Variants in CYP4F12 observed in about 807,000 individuals in gnomAD.
CYP4F12 encodes cytochrome P450 4F12.
CYP4F12 carries 60 observed loss-of-function variants against 56.5 expected under a neutral mutation model. The ratio of observed to expected loss-of-function variants is 1.06; its 90% CI spans 0.86 to 1.32. The LOEUF (loss-of-function observed/expected upper bound fraction) is 1.32, where lower values mean the gene tolerates loss of function less well. Among genes scored for constraint, CYP4F12 ranks in the 40% most tolerant of loss-of-function variants. The pLI is 0.00. For synonymous variants in CYP4F12, 263 were observed against 264.9 expected (o/e 0.99, Z 0.07); for missense variants, 711 against 683.5 (o/e 1.04, Z -0.45).
At chr19:15,673,404 C>T (rs56398124) in intron 1 of CYP4F12, 125 bp from the exon 2 acceptor site, 1,035,876 of 1,135,270 alleles carry the variant, frequency 0.91, 471,251 homozygotes, top group East Asian at 1. Context: ...TCTCAGCCCT[C>T]GTTTACTCAC....
In CYP4F12 at chr19:15,696,047, A is replaced by T; in HGVS notation, c.1227A>T (p.Pro409=). The T allele has an allele frequency of 6.2e-7, 1 of 1,613,838 alleles. No homozygotes were observed. Among genetic ancestry groups the T allele is most frequent in the Non-Finnish European group, 8.5e-7 (1 of 1,179,826 alleles). The change falls in exon 10 of 13, where the codon CCA becomes CCT. Residue 409 remains proline, a synonymous_variant. Transcript: ENST00000550308. ...GCTGCACCCAGGACATTGTTCTCCCAGATGGCCGAGTCATCCCCAAAGGTG... is the reference window on the plus strand; with the variant it reads ...GCTGCACCCAGGACATTGTTCTCCCTGATGGCCGAGTCATCCCCAAAGGTG... The part of the protein sequence containing the change: ...SRCCTQDIVL[P]DGRVIPKGIT...
intron 9 of CYP4F12, among the ~76,000 whole-genome samples, chr19:15,694,441 C>T (rs1317528259): frequency 6.6e-6 from 1 of 152,002 alleles, no homozygotes; most frequent in African/African-American, 2.4e-5. Flanking sequence ...ATTTTCTTCT[C>T]TTTGAAGCAG....
chr19:15,673,929 A>C (rs142017586), intron 2 of CYP4F12, among the ~76,000 whole-genome samples: 2 of 24,388 alleles, frequency 8.2e-5, no homozygotes, highest in African/African-American at 3.1e-4. Flanking sequence ...TCACTCCTCT[A>C]CCCACTCACT....
chr19:15,680,664 G>A (rs768553860), intron 5 of CYP4F12, 145 bp downstream of exon 5: 1 of 1,070,452 alleles, frequency 9.3e-7, no homozygotes, highest in Non-Finnish European at 1.4e-6. Context: ...CTGTAAAATG[G>A]GGATGATAAT....
chr19:15,692,892 G>C (rs2007936352), intron 9 of CYP4F12, among the ~76,000 whole-genome samples: 1 of 149,286 alleles, frequency 6.7e-6, no homozygotes, highest in Non-Finnish European at 1.5e-5. Context: ...TTGCCAAATT[G>C]GGGAAACTCC....
chr19:15,695,074 T>C (rs1049565978), intron 9 of CYP4F12, among the ~76,000 whole-genome samples: 3 of 152,102 alleles, frequency 2.0e-5, no homozygotes, highest in Non-Finnish European at 4.4e-5. Flanking sequence ...GCGGCACTAT[T>C]CACAACAGCA....
intron 9 of CYP4F12, among the ~76,000 whole-genome samples, chr19:15,688,865 C>A (rs1363716078): frequency 6.6e-6 from 1 of 152,102 alleles, no homozygotes; most frequent in Non-Finnish European, 1.5e-5. Context: ...GGGAAAGACA[C>A]CCTATTCAAT....
chr19:15,683,741 T>C lies in CYP4F12; in HGVS notation c.896T>C (p.Ile299Thr), dbSNP rs778055307. The change falls in exon 7 of 13, where the codon ATT (isoleucine) becomes ACT (threonine). Residue 299 changes from isoleucine to threonine, a missense_variant. Transcript: ENST00000550308. ...GCCAAGTCCAAGACTTTGGATTTCATTGATGTGCTTCTGCTGAGCAAGGTA... is the reference window on the plus strand; with the variant it reads ...GCCAAGTCCAAGACTTTGGATTTCACTGATGTGCTTCTGCTGAGCAAGGTA... ...DKAKSKTLDF[I>T]DVLLLSKDED... 8 of 1,570,628 alleles carry C rather than the reference T, an allele frequency of 5.1e-6. No homozygotes were observed. The highest frequency in any genetic ancestry group is 6.9e-6 in the Non-Finnish European group (8 of 1,159,288).
Position 15,677,823 on chromosome 19 carries a change from C to T in CYP4F12, c.199-438C>T, listed in dbSNP as rs1302934032. On this transcript the variant is annotated intron_variant, in intron 2 of 12. Coordinates refer to ENST00000550308, the MANE Select transcript of CYP4F12 (RefSeq NM_023944.4). ...TCACTCATTCTTCTGCTCGCTCACT[C>T]ACTCATTCCTCTGCTCACTCTTATT... 5.0e-5 allele frequency among the ~76,000 whole-genome samples: 5 copies of T among 99,028 alleles called. 1 individual carries two copies. The highest frequency in any genetic ancestry group is 1.1e-4 in the African/African-American group (3 of 27,762). The allele number at this position is 99,028 out of a possible 152,430, so 65.0% of individuals were successfully genotyped here. A position where few individuals can be genotyped will look rare whatever the true frequency, so the allele number is the denominator to read the frequency against.
At chr19:15,693,565 T>C (rs59482185) in intron 9 of CYP4F12, among the ~76,000 whole-genome samples, 13,526 of 147,952 alleles carry the variant, frequency 0.091, 1,646 homozygotes, top group East Asian at 0.57. Flanking sequence ...TTTGTTTGAC[T>C]TCATTGTAGA....
rs369774036 is a variant in CYP4F12, at chr19:15,678,359, C to T, written c.297C>T (p.Ile99=). 9 of 1,614,166 alleles carry T rather than the reference C, an allele frequency of 5.6e-6. No individual in the cohort carries two copies. Among genetic ancestry groups the T allele is most frequent in the South Asian group, 3.3e-5 (3 of 91,080 alleles). The stretch of plus-strand genomic sequence containing the variant: ...GGCTGGGTCCCATCATCCCCTTCAT[C>T]GTTTTATGCCACCCTGACACCATCC... The part of the protein sequence containing the change: ...TVWLGPIIPF[I]VLCHPDTIRS... Residue 99 remains isoleucine (I), a synonymous_variant, in exon 3 of 13, where the codon ATC becomes ATT. Transcript: ENST00000550308.
chr19:15,689,521 A>G (rs10410357), intron 9 of CYP4F12, among the ~76,000 whole-genome samples: 16,885 of 152,286 alleles, frequency 0.11, 1,030 homozygotes, highest in Middle Eastern at 0.14. Flanking sequence ...GAAAATTAAC[A>G]TAACCTCTGT....
At chr19:15,692,236 G>A (rs8112294) in intron 9 of CYP4F12, among the ~76,000 whole-genome samples, 41,683 of 151,858 alleles carry the variant, frequency 0.27, 5,710 homozygotes, top group African/African-American at 0.37. Context: ...ACTTTCTAAT[G>A]GGTTTTAATA....
At chr19:15,692,364 T>C (rs1159643845) in intron 9 of CYP4F12, among the ~76,000 whole-genome samples, 1 of 152,210 alleles carries the variant, frequency 6.6e-6, no homozygotes, top group African/African-American at 2.4e-5. Context: ...AGATTTCATG[T>C]TTCTTTTTAA....
intron 9 of CYP4F12, among the ~76,000 whole-genome samples, chr19:15,692,341 T>C (rs565202766): frequency 6.6e-6 from 1 of 152,230 alleles, no homozygotes; most frequent in South Asian, 2.1e-4. Context: ...GGGAAATTTA[T>C]AATGAAATAC....
intron 9 of CYP4F12, among the ~76,000 whole-genome samples, chr19:15,686,390 G>A (rs1034132013): frequency 2.0e-5 from 3 of 152,108 alleles, no homozygotes; most frequent in Admixed American, 6.5e-5. Context: ...AGAAAGTCTG[G>A]GCAAAAATGC....
chr19:15,674,917 ACTTGAAGC>A (rs2006844684), intron 2 of CYP4F12, among the ~76,000 whole-genome samples: 1 of 152,046 alleles, frequency 6.6e-6, no homozygotes, highest in Non-Finnish European at 1.5e-5. Flanking sequence ...CCACTGCTGG[ACTTGAAGC>A]CTTCTGAGCC....
intron 9 of CYP4F12, among the ~76,000 whole-genome samples, chr19:15,689,801 G>T (rs568261605): frequency 6.6e-6 from 1 of 152,138 alleles, no homozygotes; most frequent in African/African-American, 2.4e-5. Flanking sequence ...GTCTTTTGCC[G>T]CAACTTGGAT....
Position 15,696,922 on chromosome 19 carries a change from A to T in CYP4F12, c.1412A>T (p.Gln471Leu). 2 of 1,613,452 alleles carry T rather than the reference A, an allele frequency of 1.2e-6. No homozygotes were observed. The highest frequency in any genetic ancestry group is 1.7e-6 in the Non-Finnish European group (2 of 1,179,652). ...FSAGPRNCIG[Q>L]AFAMAEMKVV... ...CCCGCCTGCAGGAACTGCATCGGGC[A>T]GGCGTTCGCCATGGCGGAGATGAAA... The change falls in exon 13 of 13, where the codon CAG becomes CTG. Residue 471 changes from glutamine to leucine, a missense_variant. Coordinates refer to ENST00000550308, the MANE Select transcript of CYP4F12 (RefSeq NM_023944.4).
Sources: allele counts gnomAD v4.1 joint callset (sites outside exome capture counted in the v4.1 genomes callset), GRCh38; gene constraint gnomAD v4.1.1; transcripts MANE v1.5; gene names NCBI Gene and HGNC (gene_info 2026-07-23, HGNC 2026-07-21).